PCDHA3: variants seen among roughly 807,000 people sequenced by gnomAD.
PCDHA3 encodes protocadherin alpha-3.
A neutral mutation model predicts 62.2 loss-of-function variants in PCDHA3; 41 were observed. The observed-to-expected ratio is 0.66, with a 90% CI of 0.51 to 0.86. The LOEUF (loss-of-function observed/expected upper bound fraction) is 0.86. PCDHA3 is among the 40% of genes least tolerant of loss of function. The pLI is 0.00. For synonymous variants in PCDHA3, 640 were observed against 555.4 expected, an observed-to-expected ratio of 1.15 and a Z score of -2.14; for missense variants, 1,304 against 1,241.2, an observed-to-expected ratio of 1.05 and a Z score of -0.76.
Position 141,000,418 on chromosome 5 carries a change from TA to T in PCDHA3, c.2543-9208del, listed in dbSNP as rs1328416600. 5.1e-3 allele frequency among the ~76,000 whole-genome samples: 429 copies of T among 83,548 alleles called. 3 individuals carry two copies. The highest frequency in any genetic ancestry group is 6.3e-3 in the Non-Finnish European group (284 of 45,190). 54.8% of individuals were successfully genotyped at this position (83,548 alleles called of 152,430 possible). A position where few individuals can be genotyped will look rare whatever the true frequency, so the allele number is the denominator to read the frequency against. ...CTCTATATATATATATATATATATA[TA>T]TATTTTTTTTTTTTTTTTTTTTTTT... On this transcript the variant is annotated intron_variant, in intron 3 of 3. Transcript: ENST00000522353.
intron 1 of PCDHA3, among the ~76,000 whole-genome samples, chr5:140,961,519 A>G (rs246002): frequency 0.56 from 85,694 of 152,068 alleles, 24,757 homozygotes; most frequent in African/African-American, 0.69. Flanking sequence ...ATGTCTCCAC[A>G]AATTCTAGAT....
At chr5:140,851,968 C>G (rs1409588887) in intron 1 of PCDHA3, 2 of 976,644 alleles carry the variant, frequency 2.0e-6, no homozygotes, top group African/African-American at 3.5e-5. Flanking sequence ...GTTTTCCACA[C>G]TCTACCTTTA....
At chr5:140,998,754 C>T (rs2097832847) in intron 3 of PCDHA3, among the ~76,000 whole-genome samples, 1 of 152,056 alleles carries the variant, frequency 6.6e-6, no homozygotes, top group African/African-American at 2.4e-5. Context: ...AGAAGAGACA[C>T]AGTTTCACTA....
At chr5:140,945,954 A>G (rs187878503) in intron 1 of PCDHA3, among the ~76,000 whole-genome samples, 130 of 152,264 alleles carry the variant, frequency 8.5e-4, no homozygotes, top group Non-Finnish European at 1.6e-3. Flanking sequence ...ATGACCCTGA[A>G]AGCACAGGCA....
chr5:140,801,541 AGGTTTT>A lies in PCDHA3; in HGVS notation c.345_350del (p.Gln115_Phe117delinsHis). 1 of 1,614,232 alleles carries A rather than the reference AGGTTTT, an allele frequency of 6.2e-7. No homozygotes were observed. The highest frequency in any genetic ancestry group is 8.5e-7 in the Non-Finnish European group (1 of 1,180,030). On this transcript the variant is annotated inframe_deletion, in exon 1 of 4. Transcript: ENST00000522353. ...GAGGTGATCGTGGACAGGCCGCTGC[AGGTTTT>A]CCATGTGGAGGTGGAAGTGAAGGAC...
chr5:140,881,443 G>T (rs1554172114), intron 1 of PCDHA3: 1 of 818,602 alleles, frequency 1.2e-6, no homozygotes, highest in Non-Finnish European at 1.5e-6. Flanking sequence ...TATAAAAACA[G>T]AATCCAAAAC....
chr5:140,970,687 CT>C (rs1464659851), intron 1 of PCDHA3, among the ~76,000 whole-genome samples: 1 of 152,078 alleles, frequency 6.6e-6, no homozygotes, highest in Non-Finnish European at 1.5e-5. Flanking sequence ...GTAGAAAGGG[CT>C]TTTAGAGCTA....
At chr5:140,982,211 A>G (rs1554243869) in intron 2 of PCDHA3, 1 of 476,036 alleles carries the variant, frequency 2.1e-6, no homozygotes, top group African/African-American at 2.0e-5. Flanking sequence ...AGTGAGCGCC[A>G]CATGGCGTTA....
At chr5:140,937,507 C>G (rs1427417860) in intron 1 of PCDHA3, among the ~76,000 whole-genome samples, 1 of 152,106 alleles carries the variant, frequency 6.6e-6, no homozygotes, top group Non-Finnish European at 1.5e-5. Context: ...ATCCCAGCTA[C>G]TCAGGAGGCT....
intron 1 of PCDHA3, among the ~76,000 whole-genome samples, chr5:140,902,424 G>A (rs1422453587): frequency 6.6e-6 from 1 of 152,038 alleles, no homozygotes; most frequent in African/African-American, 2.4e-5. Flanking sequence ...AGTGGTGAAA[G>A]TGGGCATCCT....
At chr5:140,993,984 CACTT>C (rs2097589955) in intron 3 of PCDHA3, among the ~76,000 whole-genome samples, 1 of 152,114 alleles carries the variant, frequency 6.6e-6, no homozygotes, top group Non-Finnish European at 1.5e-5. Flanking sequence ...ATTTATTAAG[CACTT>C]AGGTCAGGCC....
At chr5:141,003,324 C>T (rs909788744) in intron 3 of PCDHA3, among the ~76,000 whole-genome samples, 4 of 152,132 alleles carry the variant, frequency 2.6e-5, no homozygotes, top group African/African-American at 9.7e-5. Flanking sequence ...TTCCAGAGGG[C>T]AGGGTTTTTT....
chr5:140,966,958 G>C (rs561982676), intron 1 of PCDHA3: 1 of 1,602,498 alleles, frequency 6.2e-7, no homozygotes, highest in South Asian at 1.1e-5. Context: ...TGGCTCGCGC[G>C]CTGGGGCTTG....
rs2150250387 is a variant in PCDHA3 at position 140,836,006 on chromosome 5, C to T, written c.2394+32415C>T. 26 of 1,613,312 alleles carry T rather than the reference C, an allele frequency of 1.6e-5. 1 individual carries two copies. Among genetic ancestry groups the T allele is most frequent in the Non-Finnish European group, 2.2e-5 (26 of 1,179,716 alleles). On this transcript the variant is annotated intron_variant, in intron 1 of 3. Transcript: ENST00000522353. ...TCCAGGTGAGCGCGCGCGATGCGGG[C>T]GTGCCGCCTCTGGGCAGCAACGTGA...
intron 1 of PCDHA3, among the ~76,000 whole-genome samples, chr5:140,854,895 C>T (rs565255235): frequency 1.1e-4 from 16 of 149,404 alleles, no homozygotes; most frequent in African/African-American, 3.7e-4. Flanking sequence ...ATTTGAAAAG[C>T]GTAAATATAA....
At chr5:140,852,808 C>G in intron 1 of PCDHA3, 1 of 975,820 alleles carries the variant, frequency 1.0e-6, no homozygotes, top group Non-Finnish European at 1.2e-6. Context: ...TCATTTGTCT[C>G]CCGCCCTAAG....
chr5:140,845,806 G>A lies in PCDHA3; in HGVS notation c.2394+42215G>A, dbSNP rs181852122. ...AATAATAAACTCTGGCAAGTGATAGGTACATAATAAAATTTAGTTATTACC... is the reference window on the plus strand; with the variant it reads ...AATAATAAACTCTGGCAAGTGATAGATACATAATAAAATTTAGTTATTACC... On this transcript the variant is annotated intron_variant, in intron 1 of 3. Transcript: ENST00000522353. 4.5e-3 allele frequency among the ~76,000 whole-genome samples: 673 copies of A among 149,580 alleles called. 58 individuals carry two copies. The highest frequency in any genetic ancestry group is 6.8e-3 in the Middle Eastern group (2 of 292).
chr5:140,877,101 G>A lies in PCDHA3; in HGVS notation c.2394+73510G>A, dbSNP rs375706181. ...TGAGCGCGCGCGACGCCGGCGTGCCGCCTCTGGGCAGCAACGTGACGCTGC... is the reference window on the plus strand; with the variant it reads ...TGAGCGCGCGCGACGCCGGCGTGCCACCTCTGGGCAGCAACGTGACGCTGC... On this transcript the variant is annotated intron_variant, in intron 1 of 3. Transcript: ENST00000522353. 3.3e-5 allele frequency: 53 copies of A among 1,613,354 alleles called. 1 individual carries two copies. The highest frequency in any genetic ancestry group is 4.1e-5 in the Non-Finnish European group (48 of 1,179,850).
rs1554181343 is a variant in PCDHA3, at chr5:140,884,223, A to G, written c.2394+80632A>G. ...CACCACCGCCTTCTGGTGCTGGTGAAGGACCACGGTGAGCCCGCGCTGACG... is the reference window on the plus strand; with the variant it reads ...CACCACCGCCTTCTGGTGCTGGTGAGGGACCACGGTGAGCCCGCGCTGACG... On this transcript the variant is annotated intron_variant, in intron 1 of 3. Coordinates refer to ENST00000522353, the MANE Select transcript of PCDHA3 (RefSeq NM_018906.3). 1.1e-5 allele frequency: 17 copies of G among 1,613,364 alleles called. No homozygotes were observed. The highest frequency in any genetic ancestry group is 1.7e-5 in the Admixed American group (1 of 59,998).
Sources: allele counts gnomAD v4.1 joint callset (sites outside exome capture counted in the v4.1 genomes callset), GRCh38; gene constraint gnomAD v4.1.1; transcripts MANE v1.5; gene names NCBI Gene and HGNC (gene_info 2026-07-23, HGNC 2026-07-21).